Variants in TATDN2 observed in about 807,000 individuals in gnomAD.
TATDN2 encodes the protein 3'-5' RNA nuclease TATDN2.
In TATDN2, 44 loss-of-function variants were observed where a neutral mutation model predicts 60.3. The observed-to-expected ratio is 0.73, with a 90% CI of 0.57 to 0.94. The LOEUF is 0.94. TATDN2 is among the 40% of genes least tolerant of loss of function. The pLI, the probability that TATDN2 is intolerant of heterozygous loss-of-function variation, is 0.00. For missense variants in TATDN2, 997 were observed against 948.0 expected (o/e 1.05, Z -0.68); for synonymous variants, 399 against 355.8 (o/e 1.12, Z -1.37).
At chr3:10,254,980 T>C (rs921257794) in intron 2 of TATDN2, among the ~76,000 whole-genome samples, 1 of 141,828 alleles carries the variant, frequency 7.1e-6, no homozygotes, top group African/African-American at 2.8e-5. Context: ...TCTCTTTTTT[T>C]CCCCCTTCCC....
intron 2 of TATDN2, 142 bp downstream of exon 2, chr3:10,249,756 C>A (rs1323574732): frequency 4.8e-6 from 5 of 1,034,884 alleles, no homozygotes; most frequent in Admixed American, 3.8e-5. Flanking sequence ...TCCACTCCCC[C>A]CAAACTCGAA....
intron 2 of TATDN2, among the ~76,000 whole-genome samples, chr3:10,253,523 A>G (rs1371001642): frequency 6.6e-6 from 1 of 152,024 alleles, no homozygotes; most frequent in Non-Finnish European, 1.5e-5. Context: ...ATCTTCATTT[A>G]CTCTTCACAG....
intron 2 of TATDN2, among the ~76,000 whole-genome samples, chr3:10,251,729 C>T (rs1467184928): frequency 1.3e-5 from 2 of 151,876 alleles, no homozygotes; most frequent in African/African-American, 4.8e-5. Flanking sequence ...TTTTTTGAAA[C>T]GATTTCCCAG....
chr3:10,264,792 C>T (rs1043713068), intron 3 of TATDN2, among the ~76,000 whole-genome samples: 18 of 151,864 alleles, frequency 1.2e-4, no homozygotes, highest in Admixed American at 1.1e-3. Flanking sequence ...GATTCTCCCG[C>T]CTCAGACCCC....
At chr3:10,267,863 C>T (rs894542132) in intron 3 of TATDN2, among the ~76,000 whole-genome samples, 7 of 151,938 alleles carry the variant, frequency 4.6e-5, no homozygotes, top group African/African-American at 1.7e-4. Context: ...ACTTGTAGTT[C>T]CAATATGTTT....
In TATDN2 at chr3:10,276,459, G is replaced by C. The variant is rs761975719; in HGVS notation, c.1932G>C (p.Lys644Asn). The change falls in exon 5 of 8, where the codon AAG becomes AAC. Residue 644 changes from lysine to asparagine, a missense_variant. Lys to Asn is a moderately conservative substitution (Grantham distance 94). Transcript: ENST00000448281. ...ADEDLLEIMKKFVPPDYKIHR... is the reference protein window; with the variant it reads ...ADEDLLEIMKNFVPPDYKIHR... ...AAGATCTGCTAGAAATCATGAAAAA[G>C]TTTGTGCCCCCTGACTACAAGATCC... 1.2e-6 allele frequency: 2 copies of C among 1,614,026 alleles called. No individual in the cohort carries two copies. Among genetic ancestry groups the C allele is most frequent in the Non-Finnish European group, 1.7e-6 (2 of 1,179,964 alleles).
intron 3 of TATDN2, among the ~76,000 whole-genome samples, chr3:10,263,541 A>T (rs1364763475): frequency 2.0e-5 from 3 of 151,446 alleles, no homozygotes; most frequent in Non-Finnish European, 4.4e-5. Flanking sequence ...CCTTTTCTTT[A>T]TCTTCCAACC....
chr3:10,278,734 T>C lies in TATDN2; in HGVS notation c.2146-151T>C, dbSNP rs1197505563. 2.4e-6 allele frequency: 3 copies of C among 1,245,594 alleles called. No individual in the cohort carries two copies. The highest frequency in any genetic ancestry group is 2.5e-5 in the South Asian group (2 of 78,606). The allele number at this position is 1,245,594 out of a possible 1,614,324, so 77.2% of individuals were successfully genotyped here. On this transcript the variant is annotated intron_variant, in intron 6 of 7. Transcript: ENST00000448281. This position sits in a 1 kb window ranked among gnomAD's most constrained non-coding sequence, Gnocchi z 4.7. The stretch of plus-strand genomic sequence containing the variant: ...GGACCCTGCTCACCCAGAGCCCCCA[T>C]GACTAGGACTCTCCCTGCACCTGCA...
rs878952119 is a variant in TATDN2 at position 10,278,163 on chromosome 3, A to G, written c.1962-116A>G. 5.4e-5 allele frequency: 67 copies of G among 1,231,610 alleles called. 1 individual carries two copies. The South Asian group carries it at 9.2e-4, about 17-fold the overall frequency. 76.3% of individuals were successfully genotyped at this position (1,231,610 alleles called of 1,614,324 possible). ...TGTGTTTACTGTGGAGTCCTTCCCT[A>G]GGATGCAGTCTTTCCATTTCTGGGA... is the stretch of plus-strand genomic sequence containing the variant. On this transcript the variant is annotated intron_variant, in intron 5 of 7. Coordinates refer to ENST00000448281, the MANE Select transcript of TATDN2 (RefSeq NM_014760.4). This position sits in a 1 kb window ranked among gnomAD's most constrained non-coding sequence, Gnocchi z 4.7.
At chr3:10,267,310 T>G (rs1698492460) in intron 3 of TATDN2, among the ~76,000 whole-genome samples, 1 of 151,942 alleles carries the variant, frequency 6.6e-6, no homozygotes, top group Non-Finnish European at 1.5e-5. Flanking sequence ...CTTGGCCAAC[T>G]TGACTCTAGA....
At position 10,270,904 on chromosome 3, in the gene TATDN2, T is replaced by G. The variant is rs751385574; in HGVS notation, c.1722T>G (p.Ser574Arg). ...HPHFARYYSE[S>R]QERNLLQALR... ...ATTTTGCACGTTACTACAGTGAGAG[T>G]CAAGAAAGAAATCTTTTGCAAGCCT... Residue 574 changes from serine (S) to arginine (R), a missense_variant, in exon 4 of 8, where the codon AGT (serine) becomes AGG (arginine). Coordinates refer to ENST00000448281, the MANE Select transcript of TATDN2 (RefSeq NM_014760.4). The G allele has an allele frequency of 1.2e-6, 2 of 1,613,992 alleles. No individual in the cohort carries two copies. Among genetic ancestry groups the G allele is most frequent in the Non-Finnish European group, 8.5e-7 (1 of 1,180,034 alleles).
Position 10,278,032 on chromosome 3 carries a change from CAG to C in TATDN2, c.1962-246_1962-245del, listed in dbSNP as rs975408941. ...AGTGTGTTCTCTGTGGTGGTCATCT[CAG>C]GGGACTGCAGAGCACTCTGTGGTGT... On this transcript the variant is annotated intron_variant, in intron 5 of 7. Coordinates refer to ENST00000448281, the MANE Select transcript of TATDN2 (RefSeq NM_014760.4). This position sits in a 1 kb window ranked among gnomAD's most constrained non-coding sequence, Gnocchi z 4.7. Among the ~76,000 whole-genome samples, 17 of 152,064 alleles carry C rather than the reference CAG, an allele frequency of 1.1e-4. 1 individual carries two copies.
rs779351140 is a variant in TATDN2, at chr3:10,270,982, C to G, written c.1800C>G (p.Tyr600Ter). The change falls in exon 4 of 8, where the codon TAC becomes TAG. Residue 600 changes from tyrosine (Y) to a stop codon, truncating the protein, a stop_gained. Coordinates refer to ENST00000448281, the MANE Select transcript of TATDN2 (RefSeq NM_014760.4). LOFTEE classifies it high-confidence loss of function. ...AFGEMGLDYS[Y>*]KCTTPVPEQH... Reference sequence around the variant, plus strand: ...GAGAAATGGGCTTGGATTACTCTTACAAGTGCACCACGCCTGTCCCAGAAC... The same window carrying G: ...GAGAAATGGGCTTGGATTACTCTTAGAAGTGCACCACGCCTGTCCCAGAAC... 3 of 1,606,894 alleles carry G rather than the reference C, an allele frequency of 1.9e-6. No homozygotes were observed. Among genetic ancestry groups the G allele is most frequent in the Non-Finnish European group, 2.5e-6 (3 of 1,177,034 alleles).
intron 4 of TATDN2, 34 bp from the exon 5 acceptor site, chr3:10,276,327 A>G (rs1221545855): frequency 6.2e-7 from 1 of 1,610,570 alleles, no homozygotes; most frequent in Non-Finnish European, 8.5e-7. Flanking sequence ...AAGTGCTGCT[A>G]ACCAACAGGG....
chr3:10,270,286 C>G lies in TATDN2; in HGVS notation c.1104C>G (p.Val368=). The G allele has an allele frequency of 1.2e-6, 2 of 1,614,218 alleles. No homozygotes were observed. Among genetic ancestry groups the G allele is most frequent in the South Asian group, 1.1e-5 (1 of 91,086 alleles). Residue 368 remains valine (V), a synonymous_variant, in exon 4 of 8, where the codon GTC becomes GTG. Transcript: ENST00000448281. ...CTTCTTCCTTCACCACCGACTATGT[C>G]ATGTACCCTCCTCATTTGTACAGTA... is the stretch of plus-strand genomic sequence containing the variant. The part of the protein sequence containing the change: ...PEPSSFTTDY[V]MYPPHLYSSP...
At chr3:10,256,420 C>G (rs1484898767) in intron 2 of TATDN2, among the ~76,000 whole-genome samples, 1 of 151,760 alleles carries the variant, frequency 6.6e-6, no homozygotes, top group East Asian at 1.9e-4. Flanking sequence ...AAATGATCCT[C>G]CTGCCTTGGC....
chr3:10,267,765 C>T (rs193087255), intron 3 of TATDN2, among the ~76,000 whole-genome samples: 2 of 152,106 alleles, frequency 1.3e-5, no homozygotes, highest in East Asian at 1.9e-4. Context: ...ATAATGTGAC[C>T]ACCTCCAATT....
At chr3:10,267,868 A>G (rs1698500710) in intron 3 of TATDN2, among the ~76,000 whole-genome samples, 1 of 152,206 alleles carries the variant, frequency 6.6e-6, no homozygotes. Flanking sequence ...TAGTTCCAAT[A>G]TGTTTCACTA....
chr3:10,264,296 C>T (rs1698448485), intron 3 of TATDN2, among the ~76,000 whole-genome samples: 1 of 152,174 alleles, frequency 6.6e-6, no homozygotes, highest in Non-Finnish European at 1.5e-5. Flanking sequence ...TAGCTTAGGT[C>T]TCAGCCTTCT....
Sources: allele counts gnomAD v4.1 joint callset (sites outside exome capture counted in the v4.1 genomes callset), GRCh38; gene constraint gnomAD v4.1.1; non-coding constraint Gnocchi (gnomAD v3.1); transcripts MANE v1.5; gene names NCBI Gene and HGNC (gene_info 2026-07-23, HGNC 2026-07-21).